Variants in CPO observed in about 807,000 individuals in gnomAD.
CPO encodes carboxypeptidase O, also known as metallocarboxypeptidase C.
In CPO, 43 loss-of-function variants were observed where a neutral mutation model predicts 41.2. That is an observed-to-expected ratio of 1.04 (90% CI 0.82 to 1.35). The LOEUF (loss-of-function observed/expected upper bound fraction) is 1.35. Among genes scored for constraint, CPO ranks in the 40% most tolerant of loss-of-function variants. The pLI is 0.00. For missense variants in CPO, 408 were observed against 451.7 expected (o/e 0.90, Z 0.88); for synonymous variants, 178 against 162.7 (o/e 1.09, Z -0.72).
chr2:206,949,959 C>A (rs542358228), intron 2 of CPO, among the ~76,000 whole-genome samples: 4 of 152,156 alleles, frequency 2.6e-5, no homozygotes, highest in African/African-American at 9.6e-5. Context: ...CAAGAACATC[C>A]CAACGAGCCA....
chr2:206,942,326 G>A (rs1445037915), intron 1 of CPO, among the ~76,000 whole-genome samples: 1 of 152,030 alleles, frequency 6.6e-6, no homozygotes, highest in Non-Finnish European at 1.5e-5. Context: ...ACTCAGGGAG[G>A]TGGAATTATT....
intron 1 of CPO, among the ~76,000 whole-genome samples, chr2:206,944,502 T>C (rs993843): frequency 0.53 from 80,523 of 151,816 alleles, 23,875 homozygotes; most frequent in Middle Eastern, 0.73. Flanking sequence ...TGAAGATGAT[T>C]GTTTCTCAGC....
chr2:206,958,459 C>G, intron 4 of CPO, 54 bp downstream of exon 4: 1 of 941,940 alleles, frequency 1.1e-6, no homozygotes, highest in Non-Finnish European at 1.6e-6. Context: ...AAATATCTGT[C>G]ACTTCTTGGC....
intron 2 of CPO, among the ~76,000 whole-genome samples, chr2:206,951,792 T>A (rs575289245): frequency 2.8e-4 from 43 of 152,338 alleles, no homozygotes; most frequent in African/African-American, 9.9e-4. Flanking sequence ...TGTAGCATTG[T>A]TGTGAGAGTA....
At chr2:206,967,444 A>G (rs1293436159) in intron 7 of CPO, among the ~76,000 whole-genome samples, 1 of 151,904 alleles carries the variant, frequency 6.6e-6, no homozygotes, top group Non-Finnish European at 1.5e-5. Flanking sequence ...GGAATGAAGA[A>G]ACAGCTATGG....
chr2:206,964,696 A>G (rs1430278868), intron 7 of CPO, among the ~76,000 whole-genome samples: 1 of 152,206 alleles, frequency 6.6e-6, no homozygotes, highest in Non-Finnish European at 1.5e-5. Context: ...ACAGAATCAG[A>G]TATTTCAGTC....
chr2:206,963,234 C>T (rs1693513286), intron 7 of CPO, among the ~76,000 whole-genome samples: 1 of 152,190 alleles, frequency 6.6e-6, no homozygotes, highest in African/African-American at 2.4e-5. Context: ...AAGGACTGGG[C>T]TCTTTGCCCT....
chr2:206,959,830 A>G, intron 5 of CPO, 89 bp downstream of exon 5: 1 of 610,254 alleles, frequency 1.6e-6, no homozygotes, highest in Non-Finnish European at 3.0e-6. Flanking sequence ...TTCCGGCTCT[A>G]AAAATATTTC....
intron 7 of CPO, among the ~76,000 whole-genome samples, chr2:206,966,388 A>G (rs1693576892): frequency 6.6e-6 from 1 of 152,158 alleles, no homozygotes; most frequent in African/African-American, 2.4e-5. Context: ...ATTAAAAGCA[A>G]TTCGTATCTC....
intron 1 of CPO, among the ~76,000 whole-genome samples, chr2:206,948,667 T>C (rs993200917): frequency 3.3e-5 from 5 of 152,000 alleles, no homozygotes; most frequent in Admixed American, 3.3e-4. Flanking sequence ...GAGGCTGAAG[T>C]AGGAGGATAT....
Position 206,969,443 on chromosome 2 carries a change from TCTGCCCAGGC to T in CPO, c.*12_*21del, listed in dbSNP as rs748710613. ...CTGCATGTCTCTTCTCTAAGTGCAT[TCTGCCCAGGC>T]CTGCTCAACCCCAGTGGCATGAGTG... On this transcript the variant is annotated 3_prime_UTR_variant, in exon 9 of 9. Transcript: ENST00000272852. The T allele has an allele frequency of 6.2e-7, 1 of 1,613,930 alleles. No homozygotes were observed. The highest frequency in any genetic ancestry group is 8.5e-7 in the Non-Finnish European group (1 of 1,179,880).
rs184621702 is a variant in CPO, at chr2:206,953,317, G to C, written c.166-2146G>C. On this transcript the variant is annotated intron_variant, in intron 2 of 8. Coordinates refer to ENST00000272852, the MANE Select transcript of CPO (RefSeq NM_173077.3). ...TCAAAAGCAAGTTAGTTACTTCCTAGATACAATGGGGGTACAGGCATTGGG... is the reference window on the plus strand; with the variant it reads ...TCAAAAGCAAGTTAGTTACTTCCTACATACAATGGGGGTACAGGCATTGGG... 2.1e-4 allele frequency among the ~76,000 whole-genome samples: 32 copies of C among 152,284 alleles called. No homozygotes were observed. The East Asian group carries it at 6.0e-3, about 28-fold the overall frequency.
At chr2:206,945,894 C>T (rs186840960) in intron 1 of CPO, among the ~76,000 whole-genome samples, 85 of 151,936 alleles carry the variant, frequency 5.6e-4, no homozygotes, top group African/African-American at 1.7e-3. Context: ...CGAGATCATG[C>T]CATTGCACCC....
At chr2:206,945,087 T>A (rs1293917002) in intron 1 of CPO, among the ~76,000 whole-genome samples, 2 of 152,182 alleles carry the variant, frequency 1.3e-5, no homozygotes, top group African/African-American at 4.8e-5. Context: ...TAAACACAGA[T>A]TATCTTATTT....
chr2:206,960,660 G>A (rs917542499), intron 5 of CPO, among the ~76,000 whole-genome samples, 192 bp from the exon 6 acceptor site: 11 of 152,204 alleles, frequency 7.2e-5, no homozygotes, highest in Admixed American at 2.0e-4. Context: ...TTGTACAGAT[G>A]TTCCTAGTAT....
intron 1 of CPO, among the ~76,000 whole-genome samples, chr2:206,943,777 G>A (rs1693088801): frequency 9.5e-6 from 1 of 105,170 alleles, no homozygotes; most frequent in Admixed American, 9.2e-5. Context: ...TAGATAGATA[G>A]ATGATAAGCA....
Position 206,939,768 on chromosome 2 carries a change from C to A in CPO, c.68+101C>A, listed in dbSNP as rs541621373. The A allele has an allele frequency of 5.8e-6, 5 of 856,618 alleles. No individual in the cohort carries two copies. In the East Asian group the frequency reaches 7.9e-5, roughly 14 times the overall value. The allele number at this position is 856,618 out of a possible 1,614,324, so 53.1% of individuals were successfully genotyped here. ...AATGCAGCTGGCTTCTCCTTCCTTG[C>A]TACTCATATATACCACCATGAGATG... On this transcript the variant is annotated intron_variant, in intron 1 of 8. Coordinates refer to ENST00000272852, the MANE Select transcript of CPO (RefSeq NM_173077.3).
intron 7 of CPO, among the ~76,000 whole-genome samples, chr2:206,966,712 A>T (rs1006215025): frequency 1.3e-5 from 2 of 152,184 alleles, no homozygotes; most frequent in African/African-American, 4.8e-5. Flanking sequence ...CAAAGATGGC[A>T]TTCTTAGTAT....
At chr2:206,945,268 T>A (rs1693121352) in intron 1 of CPO, among the ~76,000 whole-genome samples, 1 of 105,806 alleles carries the variant, frequency 9.5e-6, no homozygotes, top group South Asian at 3.0e-4. Flanking sequence ...TAATTAGATC[T>A]CTAACACACT....
Sources: gnomAD v4.1 joint callset for allele counts (sites outside exome capture counted in the v4.1 genomes callset) on GRCh38, gnomAD v4.1.1 for gene constraint, MANE v1.5 for transcripts, NCBI Gene and HGNC (gene_info 2026-07-23, HGNC 2026-07-21) for gene names.